SLC5A10: variants seen among roughly 807,000 people sequenced by gnomAD.
SLC5A10 encodes sodium/mannose cotransporter SLC5A10.
Under a neutral mutation model 68.9 loss-of-function variants are expected in SLC5A10, and 55 were observed. The ratio of observed to expected loss-of-function variants is 0.80; its 90% CI spans 0.64 to 1.00. The LOEUF (loss-of-function observed/expected upper bound fraction) is 1.00. SLC5A10 is among the 50% of genes least tolerant of loss of function. The pLI, the probability that SLC5A10 is intolerant of heterozygous loss-of-function variation, is 0.00. For missense variants in SLC5A10, 732 were observed against 819.3 expected (o/e 0.89, Z 1.30); for synonymous variants, 344 against 344.8 (o/e 1.00, Z 0.02).
rs183581661 is a variant in SLC5A10 at position 18,977,120 on chromosome 17, G to C, written c.982+131G>C. 33 of 1,305,884 alleles carry C rather than the reference G, an allele frequency of 2.5e-5. No homozygotes were observed. The East Asian group carries it at 7.8e-4, about 31-fold the overall frequency. The allele number at this position is 1,305,884 out of a possible 1,614,324, so 80.9% of individuals were successfully genotyped here. A position where few individuals can be genotyped will look rare whatever the true frequency, so the allele number is the denominator to read the frequency against. On this transcript the variant is annotated intron_variant, in intron 9 of 14. Coordinates refer to ENST00000395645, the MANE Select transcript of SLC5A10 (RefSeq NM_001042450.4). ...TGTTCCCCAACCTGGGGAGTGGGGAGAGTGGTCCTCAGGGCCACAATCAAA... is the reference window on the plus strand; with the variant it reads ...TGTTCCCCAACCTGGGGAGTGGGGACAGTGGTCCTCAGGGCCACAATCAAA...
intron 9 of SLC5A10, among the ~76,000 whole-genome samples, chr17:18,995,152 A>C (rs906660487): frequency 1.4e-4 from 21 of 152,332 alleles, no homozygotes; most frequent in Middle Eastern, 3.4e-3. Context: ...ACAAGAAAAC[A>C]TGATGCACAT....
rs1483574772 is a variant in SLC5A10 at position 18,996,672 on chromosome 17, T to C, written c.983-16738T>C. 1.3e-5 allele frequency among the ~76,000 whole-genome samples: 2 copies of C among 152,174 alleles called. No homozygotes were observed. The highest frequency in any genetic ancestry group is 2.9e-5 in the Non-Finnish European group (2 of 68,022). ...CTGGCACGCATACAGGTGTCCCTTTTCTGGAGACAGGGAGGGGTGGTGATG... is the reference window on the plus strand; with the variant it reads ...CTGGCACGCATACAGGTGTCCCTTTCCTGGAGACAGGGAGGGGTGGTGATG... On this transcript the variant is annotated intron_variant, in intron 9 of 14. Coordinates refer to ENST00000395645, the MANE Select transcript of SLC5A10 (RefSeq NM_001042450.4). The surrounding 1 kb of genome is among the most constrained non-coding windows in gnomAD (Gnocchi z 4.4).
chr17:19,010,830 C>T (rs914467451), intron 9 of SLC5A10, among the ~76,000 whole-genome samples: 5 of 152,170 alleles, frequency 3.3e-5, no homozygotes, highest in Non-Finnish European at 4.4e-5. Flanking sequence ...TGTCTTGGAT[C>T]CGACTGTGTC....
chr17:18,975,400 A>T (rs966469792), intron 8 of SLC5A10, among the ~76,000 whole-genome samples: 1 of 152,276 alleles, frequency 6.6e-6, no homozygotes, highest in East Asian at 1.9e-4. Flanking sequence ...AGTTAAAATC[A>T]CGGAGGCAGC....
At chr17:19,016,881 GC>G (rs1298447088) in intron 11 of SLC5A10, among the ~76,000 whole-genome samples, 2 of 152,260 alleles carry the variant, frequency 1.3e-5, no homozygotes, top group African/African-American at 4.8e-5. Context: ...AGCATCCTGG[GC>G]CCTGGGAACT....
intron 9 of SLC5A10, among the ~76,000 whole-genome samples, chr17:19,002,173 T>A (rs1340016175): frequency 6.6e-6 from 1 of 152,194 alleles, no homozygotes; most frequent in South Asian, 2.1e-4. Context: ...CGATATTCCA[T>A]CTTCACAATA....
intron 9 of SLC5A10, among the ~76,000 whole-genome samples, chr17:18,984,143 C>T (rs929878606): frequency 2.0e-5 from 3 of 151,974 alleles, no homozygotes; most frequent in Non-Finnish European, 2.9e-5. Flanking sequence ...CAGATCGAGA[C>T]CATCCTGGCT....
Position 18,968,903 on chromosome 17 carries a change from G to A in SLC5A10, c.454-149G>A, listed in dbSNP as rs781756335. The A allele has an allele frequency of 6.1e-6, 4 of 661,122 alleles. No individual in the cohort carries two copies. Among genetic ancestry groups the A allele is most frequent in the South Asian group, 4.0e-5 (2 of 50,566 alleles). 41.0% of individuals were successfully genotyped at this position (661,122 alleles called of 1,614,324 possible). A position where few individuals can be genotyped will look rare whatever the true frequency, so the allele number is the denominator to read the frequency against. ...CTTCCCCCAACCTCACAATGGCCCCGTGATGCAGGCAGGCAGGCGAGTGGG... is the reference window on the plus strand; with the variant it reads ...CTTCCCCCAACCTCACAATGGCCCCATGATGCAGGCAGGCAGGCGAGTGGG... On this transcript the variant is annotated intron_variant, in intron 5 of 14. Coordinates refer to ENST00000395645, the MANE Select transcript of SLC5A10 (RefSeq NM_001042450.4). This position sits in a 1 kb window ranked among gnomAD's most constrained non-coding sequence, Gnocchi z 4.1.
chr17:18,954,396 T>C (rs1482808312), intron 1 of SLC5A10, among the ~76,000 whole-genome samples: 3 of 152,216 alleles, frequency 2.0e-5, no homozygotes, highest in Non-Finnish European at 4.4e-5. Flanking sequence ...CCACCTCTCC[T>C]AGTGAGTCAG....
intron 9 of SLC5A10, among the ~76,000 whole-genome samples, chr17:18,993,431 G>GT (rs2043481714): frequency 6.6e-6 from 1 of 152,194 alleles, no homozygotes; most frequent in African/African-American, 2.4e-5. Flanking sequence ...CAAGACTCGG[G>GT]TAAGAGGGGA....
At chr17:18,978,487 T>G (rs1439845508) in intron 9 of SLC5A10, 1 of 1,612,336 alleles carries the variant, frequency 6.2e-7, no homozygotes, top group Admixed American at 1.7e-5. Flanking sequence ...GGTGGATGGG[T>G]GGCAGCAGCT....
At chr17:18,962,692 G>A (rs1028160586) in intron 5 of SLC5A10, among the ~76,000 whole-genome samples, 1 of 152,086 alleles carries the variant, frequency 6.6e-6, no homozygotes, top group Non-Finnish European at 1.5e-5. Context: ...TGACATGGTC[G>A]TGTTTGTACT....
At chr17:18,991,694 C>T (rs2043429335) in intron 9 of SLC5A10, among the ~76,000 whole-genome samples, 1 of 152,216 alleles carries the variant, frequency 6.6e-6, no homozygotes, top group Non-Finnish European at 1.5e-5. Flanking sequence ...GTGTGTCCTG[C>T]ACCCCAGGTA....
At chr17:18,988,046 C>T (rs949038207) in intron 9 of SLC5A10, among the ~76,000 whole-genome samples, 8 of 152,226 alleles carry the variant, frequency 5.3e-5, no homozygotes, top group East Asian at 1.9e-4. Context: ...ATCTCTGCCA[C>T]GTTGGAGGTA....
At chr17:18,983,000 G>A (rs886754299) in intron 9 of SLC5A10, among the ~76,000 whole-genome samples, 14 of 152,228 alleles carry the variant, frequency 9.2e-5, no homozygotes, top group Admixed American at 3.3e-4. Flanking sequence ...CTCCCAGTGG[G>A]TGCCCCATGA....
intron 5 of SLC5A10, among the ~76,000 whole-genome samples, chr17:18,961,958 C>T (rs771900165): frequency 1.1e-4 from 16 of 152,196 alleles, no homozygotes; most frequent in Admixed American, 6.5e-4. Context: ...ATGCCCTTGG[C>T]GTACTGTAGG....
At chr17:18,978,934 T>A in intron 9 of SLC5A10, 5 of 1,478,874 alleles carry the variant, frequency 3.4e-6, no homozygotes, top group South Asian at 1.3e-5. Flanking sequence ...CCGCTGGGCC[T>A]CAGACTGTGG....
chr17:18,970,733 G>A (rs1207643117), intron 7 of SLC5A10: 1 of 474,314 alleles, frequency 2.1e-6, no homozygotes, highest in South Asian at 2.4e-5. Flanking sequence ...GAGGCCAACA[G>A]TGACTCCTGC....
At position 18,972,180 on chromosome 17, in the gene SLC5A10, G is replaced by A. The variant is rs76801855; in HGVS notation, c.846+962G>A. 1.8e-3 allele frequency among the ~76,000 whole-genome samples: 278 copies of A among 152,268 alleles called. 4 individuals are homozygous for A. Among genetic ancestry groups the A allele is most frequent in the African/African-American group, 6.3e-3 (263 of 41,550 alleles). On this transcript the variant is annotated intron_variant, in intron 8 of 14. Transcript: ENST00000395645. The stretch of plus-strand genomic sequence containing the variant: ...TCCTGTCTCTGGGCAGAAGCAGATG[G>A]TGCCCTTGCTTTGCTTGTCCCAAAG...
Sources: gnomAD v4.1 joint callset for allele counts (sites outside exome capture counted in the v4.1 genomes callset) on GRCh38, gnomAD v4.1.1 for gene constraint, Gnocchi (gnomAD v3.1) non-coding constraint, MANE v1.5 for transcripts, NCBI Gene and HGNC (gene_info 2026-07-23, HGNC 2026-07-21) for gene names.